SCFD1: variants seen among roughly 807,000 people sequenced by gnomAD.
SCFD1 encodes sec1 family domain-containing protein 1.
In SCFD1, 37 loss-of-function variants were observed where a neutral mutation model predicts 103.2. That is an observed-to-expected ratio of 0.36 (90% confidence interval 0.28 to 0.47). The LOEUF (loss-of-function observed/expected upper bound fraction) is 0.47, where lower values mean the gene tolerates loss of function less well. Ranked by LOEUF, SCFD1 falls within the 20% of genes least tolerant of loss-of-function variation. The probability of loss-of-function intolerance (pLI) is 1.00; values close to 1 mark genes in which losing one functional copy is unlikely to be tolerated. For synonymous variants in SCFD1, 264 were observed against 245.0 expected (o/e 1.08, Z -0.73); for missense variants, 639 against 761.2 (o/e 0.84, Z 1.89).
At chr14:30,732,953 GTTAA>G (rs2096121482) in intron 23 of SCFD1, among the ~76,000 whole-genome samples, 1 of 151,694 alleles carries the variant, frequency 6.6e-6, no homozygotes, top group Non-Finnish European at 1.5e-5. Context: ...ACTACACTGA[GTTAA>G]TTTTACATTG....
chr14:30,666,244 A>C (rs956901639), intron 10 of SCFD1, among the ~76,000 whole-genome samples: 1 of 152,238 alleles, frequency 6.6e-6, no homozygotes, highest in African/African-American at 2.4e-5. Flanking sequence ...ACTCAGGATT[A>C]AGAAACTTAC....
At chr14:30,639,256 G>T (rs932195686) in intron 5 of SCFD1, among the ~76,000 whole-genome samples, 5 of 151,870 alleles carry the variant, frequency 3.3e-5, no homozygotes, top group Admixed American at 1.3e-4. Flanking sequence ...CAAAGCTCTG[G>T]GATTACAGGT....
chr14:30,699,863 A>T (rs1424591256), intron 15 of SCFD1, among the ~76,000 whole-genome samples: 2 of 152,188 alleles, frequency 1.3e-5, no homozygotes, highest in Non-Finnish European at 2.9e-5. Flanking sequence ...ATCCTGTTTC[A>T]GAATTGTATG....
At chr14:30,648,445 G>GTGTT (rs1360824914) in intron 7 of SCFD1, among the ~76,000 whole-genome samples, 1 of 152,088 alleles carries the variant, frequency 6.6e-6, no homozygotes, top group Admixed American at 6.5e-5. Context: ...TATGAATAAT[G>GTGTT]TGTTTTCTAT....
chr14:30,640,937 A>G (rs1338942050), intron 6 of SCFD1, among the ~76,000 whole-genome samples: 1 of 152,146 alleles, frequency 6.6e-6, no homozygotes, highest in Non-Finnish European at 1.5e-5. Flanking sequence ...CAGATTCTTA[A>G]TAATGATAAT....
At chr14:30,629,108 T>C (rs1022516811) in intron 2 of SCFD1, among the ~76,000 whole-genome samples, 6 of 152,348 alleles carry the variant, frequency 3.9e-5, no homozygotes, top group African/African-American at 1.4e-4. Flanking sequence ...CTAAGACCAA[T>C]ATTGAGCTTT....
intron 17 of SCFD1, 143 bp from the exon 18 acceptor site, chr14:30,705,680 G>A (rs1169584825): frequency 1.6e-6 from 1 of 614,390 alleles, no homozygotes; most frequent in Non-Finnish European, 2.9e-6. Context: ...TAATTGTAGT[G>A]TACTTGTATT....
chr14:30,713,259 C>A (rs1892021662), intron 19 of SCFD1, among the ~76,000 whole-genome samples: 1 of 152,100 alleles, frequency 6.6e-6, no homozygotes, highest in Admixed American at 6.5e-5. Flanking sequence ...AAATCATTCT[C>A]TGTACTTGAA....
At chr14:30,635,623 G>T (rs1884643413) in intron 4 of SCFD1, among the ~76,000 whole-genome samples, 1 of 152,032 alleles carries the variant, frequency 6.6e-6, no homozygotes, top group Admixed American at 6.6e-5. Context: ...ATATTCCATT[G>T]TATGGATGTA....
At chr14:30,695,833 C>G (rs1359083616) in intron 15 of SCFD1, among the ~76,000 whole-genome samples, 1 of 152,076 alleles carries the variant, frequency 6.6e-6, no homozygotes, top group Non-Finnish European at 1.5e-5. Flanking sequence ...GATCGCACAA[C>G]TGCACTCCAG....
chr14:30,670,128 A>G, intron 10 of SCFD1, 128 bp from the exon 11 acceptor site: 1 of 697,838 alleles, frequency 1.4e-6, no homozygotes, highest in Non-Finnish European at 2.4e-6. Context: ...ATGTAACAAA[A>G]GATTGGGAGG....
In SCFD1 at chr14:30,649,598, A is replaced by C. The variant is rs199682156; in HGVS notation, c.669+15A>C. ...TGGTAGCAGTGGTAAGTTCATGCGG[A>C]TATCACGTGGAGATAAATAACATTG... On this transcript the variant is annotated intron_variant, in intron 8 of 24. Transcript: ENST00000458591. 4 of 1,559,048 alleles carry C rather than the reference A, an allele frequency of 2.6e-6. No homozygotes were observed. The highest frequency in any genetic ancestry group is 4.8e-5 in the East Asian group (2 of 41,462).
chr14:30,683,527 C>G, intron 14 of SCFD1: 1 of 295,994 alleles, frequency 3.4e-6, no homozygotes, highest in Non-Finnish European at 6.5e-6. Context: ...CAGCGGCACC[C>G]CAGCTTGGCT....
intron 14 of SCFD1, among the ~76,000 whole-genome samples, chr14:30,675,812 T>A (rs902288129): frequency 8.5e-5 from 13 of 152,218 alleles, no homozygotes; most frequent in Non-Finnish European, 8.8e-5. Context: ...TGGGATTTAT[T>A]GAGAAGGTAC....
chr14:30,726,996 T>C (rs986491565), intron 23 of SCFD1, among the ~76,000 whole-genome samples: 2 of 152,140 alleles, frequency 1.3e-5, no homozygotes, highest in African/African-American at 4.8e-5. Context: ...CAGGAACCTT[T>C]TGAGAGATGG....
chr14:30,705,730 G>A, intron 17 of SCFD1, 93 bp from the exon 18 acceptor site: 1 of 897,176 alleles, frequency 1.1e-6, no homozygotes, highest in Non-Finnish European at 1.8e-6. Context: ...CTGCATCATA[G>A]AAGTTAGAGT....
At chr14:30,658,553 C>T (rs1430937294) in intron 10 of SCFD1, among the ~76,000 whole-genome samples, 4 of 151,840 alleles carry the variant, frequency 2.6e-5, no homozygotes, top group South Asian at 2.1e-4. Context: ...CAACCATGCC[C>T]GGCTAATTTT....
At chr14:30,715,775 G>C (rs1232448152) in intron 19 of SCFD1, 149 bp from the exon 20 acceptor site, 1 of 541,598 alleles carries the variant, frequency 1.8e-6, no homozygotes, top group Admixed American at 4.0e-5. Context: ...TTACATCTTT[G>C]ACATCACCTT....
intron 19 of SCFD1, among the ~76,000 whole-genome samples, chr14:30,708,939 G>T (rs1314967126): frequency 1.3e-5 from 2 of 151,188 alleles, no homozygotes; most frequent in Non-Finnish European, 2.9e-5. Flanking sequence ...CAAAAGATTT[G>T]TTTTTTACTT....
Sources: gnomAD v4.1 joint callset for allele counts (sites outside exome capture counted in the v4.1 genomes callset) on GRCh38, gnomAD v4.1.1 for gene constraint, MANE v1.5 for transcripts, NCBI Gene and HGNC (gene_info 2026-07-23, HGNC 2026-07-21) for gene names.